The following ANO2 variants were observed in gnomAD, a reference collection of about 807,000 sequenced individuals.
The protein encoded by ANO2 is anoctamin 2.
Under a neutral mutation model 124.2 loss-of-function variants are expected in ANO2, and 101 were observed. The observed-to-expected ratio is 0.81, with a 90% CI of 0.69 to 0.96. ANO2 has a LOEUF of 0.96. Ranked by LOEUF, ANO2 falls within the 40% of genes least tolerant of loss-of-function variation. ANO2 has a pLI of 0.00. For missense variants in ANO2, 1,293 were observed against 1,274.5 expected (o/e 1.01, Z -0.22); for synonymous variants, 486 against 482.5 (o/e 1.01, Z -0.09).
In ANO2 at chr12:5,645,593, TTTC is replaced by T. The variant is rs1471780790; in HGVS notation, c.1620+2131_1620+2133del. Among the ~76,000 whole-genome samples the T allele has an allele frequency of 3.3e-5, 5 of 152,306 alleles. No homozygotes were observed. The East Asian group carries it at 9.6e-4, about 29-fold the overall frequency. Reference sequence around the variant, plus strand: ...ATCTGCTAGATAATTTTCAAAATAGTTTCTTATTCTTTGTGTATATTTTTAAGG... The same window carrying T: ...ATCTGCTAGATAATTTTCAAAATAGTTTATTCTTTGTGTATATTTTTAAGG... On this transcript the variant is annotated intron_variant, in intron 15 of 24. Coordinates refer to ENST00000682330, the MANE Select transcript of ANO2 (RefSeq NM_001364791.2).
intron 14 of ANO2, among the ~76,000 whole-genome samples, chr12:5,720,966 G>A (rs891520898): frequency 3.9e-5 from 6 of 152,216 alleles, no homozygotes; most frequent in South Asian, 2.1e-4. Context: ...TGGGCCACCC[G>A]AGGAGTCTAC....
At chr12:5,739,780 C>T (rs1241877876) in intron 12 of ANO2, 2 of 430,182 alleles carry the variant, frequency 4.6e-6, no homozygotes, top group Non-Finnish European at 9.3e-6. Flanking sequence ...ATTCTTTCCT[C>T]CTTCACCTTC....
In ANO2 at chr12:5,891,065, A is replaced by C. The variant is rs145941083; in HGVS notation, c.534+29975T>G. Among the ~76,000 whole-genome samples, 6 of 152,294 alleles carry C rather than the reference A, an allele frequency of 3.9e-5. No homozygotes were observed. The East Asian group carries it at 1.2e-3, about 29-fold the overall frequency. On this transcript the variant is annotated intron_variant, in intron 3 of 24. Coordinates refer to ENST00000682330, the MANE Select transcript of ANO2 (RefSeq NM_001364791.2). ...TTTACAATCCTGATAGACTGTGTAG[A>C]GATCACACATTTCTCTTCAGACACG...
intron 1 of ANO2, among the ~76,000 whole-genome samples, chr12:5,939,243 T>C (rs1406203644): frequency 1.3e-5 from 2 of 149,840 alleles, no homozygotes; most frequent in East Asian, 3.9e-4. Flanking sequence ...AAACTTTGTG[T>C]TTCCTCAAGA....
chr12:5,639,167 G>A (rs1277660459), intron 15 of ANO2, among the ~76,000 whole-genome samples: 1 of 152,220 alleles, frequency 6.6e-6, no homozygotes, highest in African/African-American at 2.4e-5. Flanking sequence ...GAAAAGGGAA[G>A]AGGGGCAAGT....
chr12:5,906,725 G>A (rs1443046513), intron 3 of ANO2, among the ~76,000 whole-genome samples: 1 of 152,070 alleles, frequency 6.6e-6, no homozygotes, highest in Non-Finnish European at 1.5e-5. Context: ...AACCTGGGAG[G>A]TGGAGGTTGC....
rs946751929 is a variant in ANO2, at chr12:5,658,312, C to T, written c.1546-10511G>A. 1.3e-5 allele frequency among the ~76,000 whole-genome samples: 2 copies of T among 152,172 alleles called. No individual in the cohort carries two copies. The highest frequency in any genetic ancestry group is 2.9e-5 in the Non-Finnish European group (2 of 68,042). On this transcript the variant is annotated intron_variant, in intron 14 of 24. Coordinates refer to ENST00000682330, the MANE Select transcript of ANO2 (RefSeq NM_001364791.2). This position sits in a 1 kb window ranked among gnomAD's most constrained non-coding sequence, Gnocchi z 4.3. The stretch of plus-strand genomic sequence containing the variant: ...GCTATGGAGATGAAATGAGGTAATG[C>T]ATGGAATATACATAGAACTGTCCCT...
At chr12:5,851,849 C>T in intron 4 of ANO2, 1 of 692,926 alleles carries the variant, frequency 1.4e-6, no homozygotes, top group Non-Finnish European at 2.6e-6. Flanking sequence ...GGAAAATAAG[C>T]AAGCGGAGGT....
intron 20 of ANO2, among the ~76,000 whole-genome samples, chr12:5,587,691 T>C (rs548670394): frequency 4.6e-5 from 7 of 152,254 alleles, no homozygotes; most frequent in East Asian, 3.9e-4. Flanking sequence ...AGGTTTGATA[T>C]TGGAGATTCC....
intron 8 of ANO2, among the ~76,000 whole-genome samples, 198 bp from the exon 9 acceptor site, chr12:5,806,291 T>A (rs1297991549): frequency 6.6e-6 from 1 of 152,214 alleles, no homozygotes; most frequent in Admixed American, 6.5e-5. Flanking sequence ...TTTCCTGGGA[T>A]AACTTCTCAC....
intron 23 of ANO2, among the ~76,000 whole-genome samples, chr12:5,568,233 A>G (rs1269357885): frequency 7.2e-6 from 1 of 138,224 alleles, no homozygotes; most frequent in African/African-American, 2.8e-5. Context: ...TCCGCCTCCC[A>G]GGTTCACGCC....
intron 3 of ANO2, among the ~76,000 whole-genome samples, chr12:5,876,803 G>C (rs1253102031): frequency 2.0e-5 from 3 of 152,108 alleles, no homozygotes; most frequent in Non-Finnish European, 4.4e-5. Context: ...ACAGGGAGGG[G>C]AACATCACAC....
chr12:5,920,978 C>G, intron 3 of ANO2, 62 bp downstream of exon 3: 1 of 1,538,832 alleles, frequency 6.5e-7, no homozygotes, highest in Non-Finnish European at 8.8e-7. Context: ...GCACTGCTCA[C>G]TAGGAGCCCG....
In ANO2 at chr12:5,689,803, C is replaced by T. The variant is rs116378801; in HGVS notation, c.1546-42002G>A. ...CTTAAGATGTGGCCTTATTGAGTCC[C>T]CAGCCAAGTGTCTGGCACATAGTAA... On this transcript the variant is annotated intron_variant, in intron 14 of 24. Transcript: ENST00000682330. 9.6e-3 allele frequency among the ~76,000 whole-genome samples: 1,464 copies of T among 152,230 alleles called. 20 individuals are homozygous for T. Among genetic ancestry groups the T allele is most frequent in the African/African-American group, 0.034 (1,397 of 41,536 alleles).
chr12:5,808,366 AT>A, intron 7 of ANO2, among the ~76,000 whole-genome samples: 1 of 152,282 alleles, frequency 6.6e-6, no homozygotes, highest in East Asian at 1.9e-4. Context: ...TACTTGTTTC[AT>A]TCTTGGTTTT....
intron 3 of ANO2, among the ~76,000 whole-genome samples, chr12:5,877,828 T>G (rs1938213526): frequency 6.6e-6 from 1 of 152,192 alleles, no homozygotes; most frequent in African/African-American, 2.4e-5. Context: ...AGCATGTGCA[T>G]TTCACAATAA....
intron 10 of ANO2, among the ~76,000 whole-genome samples, chr12:5,786,660 A>G (rs982367816): frequency 6.6e-6 from 1 of 152,170 alleles, no homozygotes; most frequent in Admixed American, 6.5e-5. Flanking sequence ...TCACCGCTGC[A>G]CATCCGATCA....
rs553657385 is a variant in ANO2 at position 5,844,042 on chromosome 12, G to A, written c.633+10001C>T. 3.9e-5 allele frequency among the ~76,000 whole-genome samples: 6 copies of A among 152,248 alleles called. No individual in the cohort carries two copies. The South Asian group carries it at 1.0e-3, about 26-fold the overall frequency. On this transcript the variant is annotated intron_variant, in intron 4 of 24. Transcript: ENST00000682330. ...AGTCCGGAAAAGGTAATATCAGCTC[G>A]GGCTGAAGGAATAAAGAAAGGTCTA...
intron 1 of ANO2, among the ~76,000 whole-genome samples, chr12:5,932,959 G>A (rs1369686759): frequency 6.6e-6 from 1 of 152,232 alleles, no homozygotes; most frequent in Non-Finnish European, 1.5e-5. Flanking sequence ...AAGAAAGGCA[G>A]TGATTTGTAT....
Sources: gnomAD v4.1 joint callset for allele counts (sites outside exome capture counted in the v4.1 genomes callset) on GRCh38, gnomAD v4.1.1 for gene constraint, Gnocchi (gnomAD v3.1) non-coding constraint, MANE v1.5 for transcripts, NCBI Gene and HGNC (gene_info 2026-07-23, HGNC 2026-07-21) for gene names.